Variants in TRIM11 observed in about 807,000 individuals in gnomAD.
The protein encoded by TRIM11 is E3 ubiquitin-protein ligase TRIM11.
A neutral mutation model predicts 33.4 loss-of-function variants in TRIM11; 15 were observed. The ratio of observed to expected loss-of-function variants is 0.45; its 90% CI spans 0.30 to 0.69. TRIM11 has a LOEUF of 0.69. Among genes scored for constraint, TRIM11 ranks in the 30% least tolerant of loss-of-function variants. TRIM11 has a pLI of 0.08. For synonymous variants in TRIM11, 281 were observed against 302.6 expected (o/e 0.93, Z 0.74); for missense variants, 499 against 667.6 (o/e 0.75, Z 2.78).
At position 228,395,564 on chromosome 1, in the gene TRIM11, G is replaced by A. The variant is rs1318764186; in HGVS notation, c.860-312C>T. On this transcript the variant is annotated intron_variant, in intron 5 of 5. Coordinates refer to ENST00000284551, the MANE Select transcript of TRIM11 (RefSeq NM_145214.3). This position sits in a 1 kb window ranked among gnomAD's most constrained non-coding sequence, Gnocchi z 4.8. ...GGCAGGGTCTTGCTCTGTGGCCCCA[G>A]GCTGCAGTGCAGTGGTGCGATCATG... 1 of 249,752 alleles carries A rather than the reference G, an allele frequency of 4.0e-6. No individual in the cohort carries two copies. The allele number at this position is 249,752 out of a possible 1,614,324, so 15.5% of individuals were successfully genotyped here.
At chr1:228,397,951 A>G (rs1171965342) in intron 3 of TRIM11, among the ~76,000 whole-genome samples, 1 of 152,210 alleles carries the variant, frequency 6.6e-6, no homozygotes, top group Non-Finnish European at 1.5e-5. Flanking sequence ...CTCAGGGGGA[A>G]CCAGCTTTGA....
chr1:228,405,961 CTG>C, intron 1 of TRIM11, 191 bp downstream of exon 1: 1 of 550,504 alleles, frequency 1.8e-6, no homozygotes, highest in Non-Finnish European at 2.8e-6. Context: ...TTGAAACAGG[CTG>C]TGTCATGAGC....
At chr1:228,397,502 A>G in intron 3 of TRIM11, 1 of 365,768 alleles carries the variant, frequency 2.7e-6, no homozygotes, top group East Asian at 5.2e-5. Context: ...GGTGCCAAGG[A>G]CAGGACAGGC....
chr1:228,406,083 T>G lies in TRIM11; in HGVS notation c.408+71A>C. 30 of 917,816 alleles carry G rather than the reference T, an allele frequency of 3.3e-5. No homozygotes were observed. Among genetic ancestry groups the G allele is most frequent in the Non-Finnish European group, 4.4e-5 (30 of 683,044 alleles). 56.9% of individuals were successfully genotyped at this position (917,816 alleles called of 1,614,324 possible). A position where few individuals can be genotyped will look rare whatever the true frequency, so the allele number is the denominator to read the frequency against. ...TACTCCCGGAGCAGTCCCCCAAACC[T>G]CCCACCCGCCCAGGCCTCCCCAGTC... On this transcript the variant is annotated intron_variant, in intron 1 of 5. Transcript: ENST00000284551. This position sits in a 1 kb window ranked among gnomAD's most constrained non-coding sequence, Gnocchi z 8.2.
At chr1:228,402,352 C>G (rs1656265802) in intron 1 of TRIM11, 191 bp from the exon 2 acceptor site, 1 of 501,232 alleles carries the variant, frequency 2.0e-6, no homozygotes, top group East Asian at 3.5e-5. Flanking sequence ...TTGCCAGAGG[C>G]TGACAGCCCC....
chr1:228,400,988 C>T lies in TRIM11; in HGVS notation c.711G>A (p.Gln237=), dbSNP rs748502165. The part of the protein sequence containing the change: ...ELIAELEGRC[Q]LPALGLLQDI... ...CCTGCAGCAGCCCCAGAGCAGGCAG[C>T]TGGCAGCGGCCCTCGAGCTCGGCGA... The change falls in exon 3 of 6, where the codon CAG becomes CAA. Residue 237 remains glutamine (Q), a synonymous_variant. Coordinates refer to ENST00000284551, the MANE Select transcript of TRIM11 (RefSeq NM_145214.3). This position sits in a 1 kb window ranked among gnomAD's most constrained non-coding sequence, Gnocchi z 4.5. The T allele has an allele frequency of 3.8e-6, 6 of 1,587,750 alleles. No homozygotes were observed. The highest frequency in any genetic ancestry group is 1.1e-5 in the South Asian group (1 of 88,068).
chr1:228,406,094 CAG>C lies in TRIM11; in HGVS notation c.408+58_408+59del. 8 of 1,312,452 alleles carry C rather than the reference CAG, an allele frequency of 6.1e-6. No homozygotes were observed. The highest frequency in any genetic ancestry group is 3.9e-5 in the South Asian group (2 of 51,460). 81.3% of individuals were successfully genotyped at this position (1,312,452 alleles called of 1,614,324 possible). A position where few individuals can be genotyped will look rare whatever the true frequency, so the allele number is the denominator to read the frequency against. On this transcript the variant is annotated intron_variant, in intron 1 of 5. Transcript: ENST00000284551. The surrounding 1 kb of genome is among the most constrained non-coding windows in gnomAD (Gnocchi z 8.2). ...CAGTCCCCCAAACCTCCCACCCGCC[CAG>C]GCCTCCCCAGTCCCCGGCTCCCCGA...
chr1:228,401,559 C>A lies in TRIM11; in HGVS notation c.505-365G>T, dbSNP rs1656225854. Among the ~76,000 whole-genome samples, 1 of 152,044 alleles carries A rather than the reference C, an allele frequency of 6.6e-6. No homozygotes were observed. On this transcript the variant is annotated intron_variant, in intron 2 of 5. Coordinates refer to ENST00000284551, the MANE Select transcript of TRIM11 (RefSeq NM_145214.3). The surrounding 1 kb of genome is among the most constrained non-coding windows in gnomAD (Gnocchi z 6.1). Reference sequence around the variant, plus strand: ...AATCCACCCATTGGCTTGGTAGAACCCTGCATCTACCACCTGGGGCCAGCT... The same window carrying A: ...AATCCACCCATTGGCTTGGTAGAACACTGCATCTACCACCTGGGGCCAGCT...
chr1:228,400,889 T>C lies in TRIM11; in HGVS notation c.735+75A>G, dbSNP rs1656184875. ...ACCTCTCTGCCCCTGCTTCTTGCAC[T>C]TTCTGGTTCTCCCTCCCCCAGTGTG... On this transcript the variant is annotated intron_variant, in intron 3 of 5. Coordinates refer to ENST00000284551, the MANE Select transcript of TRIM11 (RefSeq NM_145214.3). This position sits in a 1 kb window ranked among gnomAD's most constrained non-coding sequence, Gnocchi z 4.5. The C allele has an allele frequency of 7.0e-7, 1 of 1,436,494 alleles. No individual in the cohort carries two copies. Among genetic ancestry groups the C allele is most frequent in the Non-Finnish European group, 9.1e-7 (1 of 1,098,130 alleles). The allele number at this position is 1,436,494 out of a possible 1,614,324, so 89.0% of individuals were successfully genotyped here. A position where few individuals can be genotyped will look rare whatever the true frequency, so the allele number is the denominator to read the frequency against.
chr1:228,396,595 C>G (rs2074988443), intron 5 of TRIM11: 3 of 670,292 alleles, frequency 4.5e-6, no homozygotes, highest in South Asian at 3.4e-5. Flanking sequence ...TGGGCAGCCC[C>G]TGGAAGTTGT....
chr1:228,394,604 C>T lies in TRIM11; in HGVS notation c.*101G>A. ...GGCACCAGGAGTTCCTCCTCTTGCT[C>T]AAAGGACACACTCCCTCCTCCCAGG... On this transcript the variant is annotated 3_prime_UTR_variant, in exon 6 of 6. Transcript: ENST00000284551. This position sits in a 1 kb window ranked among gnomAD's most constrained non-coding sequence, Gnocchi z 6.2. The T allele has an allele frequency of 7.6e-7, 1 of 1,318,360 alleles. No individual in the cohort carries two copies. Among genetic ancestry groups the T allele is most frequent in the African/African-American group, 1.5e-5 (1 of 67,400 alleles). 81.7% of individuals were successfully genotyped at this position (1,318,360 alleles called of 1,614,324 possible). A position where few individuals can be genotyped will look rare whatever the true frequency, so the allele number is the denominator to read the frequency against.
chr1:228,399,898 AAAAAAAC>A (rs1215448548), intron 3 of TRIM11, among the ~76,000 whole-genome samples: 7 of 150,812 alleles, frequency 4.6e-5, no homozygotes, highest in Non-Finnish European at 7.4e-5. Flanking sequence ...AAACAAAAAA[AAAAAAAC>A]AAAAAACAAA....
In TRIM11 at chr1:228,406,421, G is replaced by C. The variant is rs756697294; in HGVS notation, c.141C>G (p.Pro47=). 3 of 1,581,096 alleles carry C rather than the reference G, an allele frequency of 1.9e-6. No homozygotes were observed. Among genetic ancestry groups the C allele is most frequent in the South Asian group, 1.1e-5 (1 of 88,010 alleles). The change falls in exon 1 of 6, where the codon CCC becomes CCG. Residue 47 remains proline (P), a synonymous_variant. Transcript: ENST00000284551. This position sits in a 1 kb window ranked among gnomAD's most constrained non-coding sequence, Gnocchi z 8.2. ...RECIRRCWGQ[P]EGPYACPECR... is the part of the protein sequence containing the mutation. ...ACTCGGGGCACGCGTACGGGCCCTC[G>C]GGCTGGCCCCAGCAGCGCCGGATGC...
At position 228,406,429 on chromosome 1, in the gene TRIM11, C is replaced by T. The variant is rs1656420620; in HGVS notation, c.133G>A (p.Gly45Ser). The T allele has an allele frequency of 1.3e-6, 2 of 1,584,730 alleles. No homozygotes were observed. The highest frequency in any genetic ancestry group is 1.4e-5 in the African/African-American group (1 of 72,310). Residue 45 changes from glycine to serine, a missense_variant, in exon 1 of 6, where the codon GGC (glycine) becomes AGC (serine). Coordinates refer to ENST00000284551, the MANE Select transcript of TRIM11 (RefSeq NM_145214.3). The surrounding 1 kb of genome is among the most constrained non-coding windows in gnomAD (Gnocchi z 8.2). ...CACGCGTACGGGCCCTCGGGCTGGC[C>T]CCAGCAGCGCCGGATGCACTCGCGG... is the stretch of plus-strand genomic sequence containing the variant. ...FCRECIRRCW[G>S]QPEGPYACPE...
At position 228,402,053 on chromosome 1, in the gene TRIM11, C is replaced by T; in HGVS notation, c.504+13G>A. 1 of 1,608,438 alleles carries T rather than the reference C, an allele frequency of 6.2e-7. No individual in the cohort carries two copies. The highest frequency in any genetic ancestry group is 8.5e-7 in the Non-Finnish European group (1 of 1,176,888). ...ACCCTGCCACCCAGGACCCTGGGAG[C>T]CCCAGCACCTGCCTGCCACAAGACG... On this transcript the variant is annotated intron_variant, in intron 2 of 5. Transcript: ENST00000284551.
intron 5 of TRIM11, 31 bp downstream of exon 5, chr1:228,396,916 T>A (rs746859774): frequency 2.2e-5 from 36 of 1,606,076 alleles, no homozygotes; most frequent in Non-Finnish European, 3.0e-5. Flanking sequence ...CCTCCTGGAG[T>A]CATCTCCCCA....
chr1:228,401,469 C>G lies in TRIM11; in HGVS notation c.505-275G>C, dbSNP rs918441663. Among the ~76,000 whole-genome samples the G allele has an allele frequency of 1.3e-5, 2 of 152,122 alleles. No individual in the cohort carries two copies. The highest frequency in any genetic ancestry group is 4.8e-5 in the African/African-American group (2 of 41,424). On this transcript the variant is annotated intron_variant, in intron 2 of 5. Coordinates refer to ENST00000284551, the MANE Select transcript of TRIM11 (RefSeq NM_145214.3). This position sits in a 1 kb window ranked among gnomAD's most constrained non-coding sequence, Gnocchi z 6.1. Reference sequence around the variant, plus strand: ...ATTCTACCACACAGGACTGGCTAGACCCCAAATCTAAACCCAGGGCCGACT... The same window carrying G: ...ATTCTACCACACAGGACTGGCTAGAGCCCAAATCTAAACCCAGGGCCGACT...
rs1246660314 is a variant in TRIM11 at position 228,401,602 on chromosome 1, C to T, written c.505-408G>A. ...GGCCAGCTGGACTACAAATCTACCA[C>T]CCAGGGTCCCTCCTGACCTCCAAAT... On this transcript the variant is annotated intron_variant, in intron 2 of 5. Coordinates refer to ENST00000284551, the MANE Select transcript of TRIM11 (RefSeq NM_145214.3). This position sits in a 1 kb window ranked among gnomAD's most constrained non-coding sequence, Gnocchi z 6.1. Among the ~76,000 whole-genome samples the T allele has an allele frequency of 6.6e-6, 1 of 152,078 alleles. No homozygotes were observed. Among genetic ancestry groups the T allele is most frequent in the African/African-American group, 2.4e-5 (1 of 41,406 alleles).
Position 228,406,406 on chromosome 1 carries a change from C to T in TRIM11, c.156G>A (p.Ala52=). The stretch of plus-strand genomic sequence containing the variant: ...GGGACAGCTCGCGGCACTCGGGGCA[C>T]GCGTACGGGCCCTCGGGCTGGCCCC... ...RCWGQPEGPY[A]CPECRELSPQ... The change falls in exon 1 of 6, where the codon GCG becomes GCA. Residue 52 remains alanine (A), a synonymous_variant. Transcript: ENST00000284551. This position sits in a 1 kb window ranked among gnomAD's most constrained non-coding sequence, Gnocchi z 8.2. 1 of 1,569,192 alleles carries T rather than the reference C, an allele frequency of 6.4e-7. No individual in the cohort carries two copies. Among genetic ancestry groups the T allele is most frequent in the Non-Finnish European group, 8.6e-7 (1 of 1,163,384 alleles).
Sources: allele counts gnomAD v4.1 joint callset (sites outside exome capture counted in the v4.1 genomes callset), GRCh38; gene constraint gnomAD v4.1.1; non-coding constraint Gnocchi (gnomAD v3.1); transcripts MANE v1.5; gene names NCBI Gene and HGNC (gene_info 2026-07-23, HGNC 2026-07-21).